Variants in DDX6 observed in about 807,000 individuals in gnomAD.
DDX6 encodes probable ATP-dependent RNA helicase DDX6.
In DDX6, 7 loss-of-function variants were observed where a neutral mutation model predicts 60.6. That is an observed-to-expected ratio of 0.12 (90% CI 0.07 to 0.22). DDX6 has a LOEUF of 0.22. Among genes scored for constraint, DDX6 ranks in the 10% least tolerant of loss-of-function variants. The probability of loss-of-function intolerance (pLI) is 1.00; values close to 1 mark genes in which losing one functional copy is unlikely to be tolerated. For synonymous variants in DDX6, 207 were observed against 201.0 expected, an observed-to-expected ratio of 1.03 and a Z score of -0.25; for missense variants, 270 against 589.9, an observed-to-expected ratio of 0.46 and a Z score of 5.62.
At chr11:118,775,526 A>G (rs1555163437) in intron 4 of DDX6, among the ~76,000 whole-genome samples, 1 of 152,176 alleles carries the variant, frequency 6.6e-6, no homozygotes, top group Non-Finnish European at 1.5e-5. Context: ...AACAATAGGA[A>G]AGAAAAAGGC....
intron 4 of DDX6, among the ~76,000 whole-genome samples, chr11:118,769,219 T>C (rs1002057179): frequency 3.0e-4 from 46 of 152,090 alleles, no homozygotes; most frequent in Non-Finnish European, 4.4e-4. Flanking sequence ...CAGTGAAAAA[T>C]TGTAGCTTGG....
chr11:118,779,824 A>G, intron 3 of DDX6, 88 bp from the exon 4 acceptor site: 1 of 1,007,874 alleles, frequency 9.9e-7, no homozygotes, highest in Non-Finnish European at 1.5e-6. Context: ...TGTTTAAGAA[A>G]ATTTATCTGG....
intron 13 of DDX6, among the ~76,000 whole-genome samples, chr11:118,754,100 C>CAA (rs1200132445): frequency 6.6e-6 from 1 of 151,770 alleles, no homozygotes; most frequent in Non-Finnish European, 1.5e-5. Context: ...TCTCAAAAAA[C>CAA]AAAAACAACA....
rs1407765708 is a variant in DDX6, at chr11:118,772,212, A to G, written c.370-3860T>C. 1.1e-4 allele frequency among the ~76,000 whole-genome samples: 17 copies of G among 152,316 alleles called. 1 individual carries two copies. In the South Asian group the frequency reaches 3.3e-3, roughly 30 times the overall value. ...CTTCCTACTTCTCAGATTTTCACAA[A>G]ATAGCACATTAAATCCTCAGTCCTT... On this transcript the variant is annotated intron_variant, in intron 4 of 13. Transcript: ENST00000534980.
intron 4 of DDX6, among the ~76,000 whole-genome samples, chr11:118,768,987 C>CAAAAAAAA (rs782136763): frequency 0.11 from 4,475 of 39,848 alleles, 1,414 homozygotes; most frequent in Non-Finnish European, 0.13. Flanking sequence ...CGTCTCATCT[C>CAAAAAAAA]AAAAAAAAAA....
rs782255367 is a variant in DDX6, at chr11:118,756,236, T to C, written c.1174+24A>G. 14 of 1,606,392 alleles carry C rather than the reference T, an allele frequency of 8.7e-6. No homozygotes were observed. In the East Asian group the frequency reaches 3.1e-4, roughly 36 times the overall value. On this transcript the variant is annotated intron_variant, in intron 11 of 13. Coordinates refer to ENST00000534980, the MANE Select transcript of DDX6 (RefSeq NM_004397.6). ...AACAACTTGGGAGAAAAACACTGGG[T>C]AAAGGAAATACAAAAATACTTACCA...
chr11:118,768,361 G>A lies in DDX6; in HGVS notation c.370-9C>T. On this transcript the variant is annotated splice_polypyrimidine_tract_variant and intron_variant, in intron 4 of 13. Transcript: ENST00000534980. The stretch of plus-strand genomic sequence containing the variant: ...ATGGGAATGCTCTCCTCCTAAAAGA[G>A]ATAAGACAATACAAAATTACTTCTG... 1 of 1,611,206 alleles carries A rather than the reference G, an allele frequency of 6.2e-7. No individual in the cohort carries two copies. Among genetic ancestry groups the A allele is most frequent in the South Asian group, 1.1e-5 (1 of 90,932 alleles).
At chr11:118,759,809 G>C (rs1241993525) in intron 8 of DDX6, 113 bp downstream of exon 8, 2 of 1,202,810 alleles carry the variant, frequency 1.7e-6, no homozygotes, top group African/African-American at 1.6e-5. Context: ...AGAGCCAAAG[G>C]CTTGAAATAA....
intron 2 of DDX6, among the ~76,000 whole-genome samples, chr11:118,783,666 ATGG>A (rs1176203865): frequency 6.6e-6 from 1 of 151,758 alleles, no homozygotes; most frequent in Non-Finnish European, 1.5e-5. Flanking sequence ...GCCAGACGTG[ATGG>A]TGGACACCTG....
Position 118,786,410 on chromosome 11 carries a change from T to A in DDX6, c.-159A>T. On this transcript the variant is annotated 5_prime_UTR_variant, in exon 2 of 14. Coordinates refer to ENST00000534980, the MANE Select transcript of DDX6 (RefSeq NM_004397.6). ...TGCAATGCAGGCAAGCACCTGTAAGTCTCTGAACGGTAAGCAGCAGTAACT... is the reference window on the plus strand; with the variant it reads ...TGCAATGCAGGCAAGCACCTGTAAGACTCTGAACGGTAAGCAGCAGTAACT... 1 of 524,666 alleles carries A rather than the reference T, an allele frequency of 1.9e-6. No individual in the cohort carries two copies. The highest frequency in any genetic ancestry group is 3.2e-6 in the Non-Finnish European group (1 of 310,850). The allele number at this position is 524,666 out of a possible 1,614,324, so 32.5% of individuals were successfully genotyped here.
chr11:118,757,343 G>T, intron 9 of DDX6, 56 bp from the exon 10 acceptor site: 4 of 982,222 alleles, frequency 4.1e-6, no homozygotes, highest in Non-Finnish European at 5.8e-6. Context: ...CATTTGGTTT[G>T]CCAAATCTTG....
At position 118,779,618 on chromosome 11, in the gene DDX6, A is replaced by G. The variant is rs545938019; in HGVS notation, c.369+14T>C. On this transcript the variant is annotated intron_variant, in intron 4 of 13. Coordinates refer to ENST00000534980, the MANE Select transcript of DDX6 (RefSeq NM_004397.6). ...CACATAACCTTACATATGTGATAAA[A>G]AGGGTTAACATACCTGAATAGGAGA... The G allele has an allele frequency of 6.4e-6, 10 of 1,555,668 alleles. No homozygotes were observed. In the African/African-American group the frequency reaches 1.2e-4, roughly 19 times the overall value.
chr11:118,766,076 A>T (rs1175744238), intron 5 of DDX6, among the ~76,000 whole-genome samples: 1 of 151,286 alleles, frequency 6.6e-6, no homozygotes, highest in Non-Finnish European at 1.5e-5. Context: ...CGTCTCAAAT[A>T]AAAAAAAAGA....
chr11:118,779,510 GAA>G, intron 4 of DDX6, 120 bp downstream of exon 4: 1 of 594,724 alleles, frequency 1.7e-6, no homozygotes, highest in Non-Finnish European at 2.9e-6. Flanking sequence ...AAAAATTTCA[GAA>G]AAAGTGTGTA....
rs1292877298 is a variant in DDX6, at chr11:118,748,845, C to T, written c.*3260G>A. On this transcript the variant is annotated 3_prime_UTR_variant, in exon 14 of 14. Transcript: ENST00000534980. ...CTTTGTGCTGAGTTGTCGTTTGAAC[C>T]AAGCATGATGTTATCAAGCACAAAG... 6.6e-6 allele frequency: 1 copy of T among 151,632 alleles called. No homozygotes were observed. Among genetic ancestry groups the T allele is most frequent in the Admixed American group, 6.6e-5 (1 of 15,168 alleles). The allele number at this position is 151,632 out of a possible 1,614,324, so 9.4% of individuals were successfully genotyped here.
chr11:118,780,780 G>A (rs1451734238), intron 3 of DDX6, among the ~76,000 whole-genome samples: 8 of 152,140 alleles, frequency 5.3e-5, no homozygotes, highest in African/African-American at 1.9e-4. Flanking sequence ...CAGCACTACT[G>A]ACACTTTGGG....
intron 5 of DDX6, among the ~76,000 whole-genome samples, chr11:118,767,380 T>TG (rs1555161438): frequency 6.6e-6 from 1 of 152,130 alleles, no homozygotes; most frequent in Non-Finnish European, 1.5e-5. Context: ...TAATTACAGA[T>TG]CACGAAAGCT....
chr11:118,782,418 A>T (rs1861928893), intron 2 of DDX6, among the ~76,000 whole-genome samples: 2 of 152,138 alleles, frequency 1.3e-5, no homozygotes, highest in African/African-American at 4.8e-5. Context: ...TTTAAAAAAA[A>T]AAAAAAGATC....
At chr11:118,755,571 T>C (rs1860938569) in intron 11 of DDX6, 68 bp from the exon 12 acceptor site, 10 of 840,074 alleles carry the variant, frequency 1.2e-5, no homozygotes, top group African/African-American at 1.7e-5. Context: ...TACTAACACA[T>C]ATTTCTAGCA....
Sources: gnomAD v4.1 joint callset for allele counts (sites outside exome capture counted in the v4.1 genomes callset) on GRCh38, gnomAD v4.1.1 for gene constraint, MANE v1.5 for transcripts, NCBI Gene and HGNC (gene_info 2026-07-23, HGNC 2026-07-21) for gene names.